The following CLNS1A variants were observed in gnomAD, a reference collection of about 807,000 sequenced individuals.
The protein encoded by CLNS1A is chloride nucleotide-sensitive channel 1A, also known as methylosome subunit pICln.
Under a neutral mutation model 29.4 loss-of-function variants are expected in CLNS1A, and 16 were observed. The ratio of observed to expected loss-of-function variants is 0.54; its 90% CI spans 0.37 to 0.83. CLNS1A has a LOEUF of 0.83. CLNS1A is among the 40% of genes least tolerant of loss of function. The probability of loss-of-function intolerance (pLI) is 0.00; values close to 1 mark genes in which losing one functional copy is unlikely to be tolerated. For missense variants in CLNS1A, 235 were observed against 287.4 expected (o/e 0.82, Z 1.32); for synonymous variants, 96 against 104.8 (o/e 0.92, Z 0.51).
chr11:77,623,296 A>T (rs918177472), intron 4 of CLNS1A, among the ~76,000 whole-genome samples: 9 of 152,032 alleles, frequency 5.9e-5, no homozygotes, highest in African/African-American at 1.9e-4. Context: ...CTCCTTTCTT[A>T]AAAAAAATCA....
chr11:77,637,169 A>T (rs1280014362), intron 1 of CLNS1A, among the ~76,000 whole-genome samples: 2 of 149,912 alleles, frequency 1.3e-5, no homozygotes, highest in African/African-American at 4.9e-5. Flanking sequence ...AAAGACAGGC[A>T]CACTTCAGAC....
rs921339760 is a variant in CLNS1A, at chr11:77,637,647, G to A, written c.68C>T (p.Thr23Ile). Reference protein sequence around the residue: ...AEGLLRQQPDTEAVLNGKGLG... With the variant: ...AEGLLRQQPDIEAVLNGKGLG... ...GCCCTTCCCGTTCAGCACAGCCTCA[G>A]TGTCTGGCTGCTGCCGCAGGAGCCC... The change falls in exon 1 of 7, where the codon ACT (threonine) becomes ATT (isoleucine). Residue 23 changes from threonine to isoleucine, a missense_variant. Thr to Ile is a moderately conservative substitution (Grantham distance 89). Transcript: ENST00000525428. The A allele has an allele frequency of 1.9e-6, 3 of 1,582,932 alleles. No homozygotes were observed. In the African/African-American group the frequency reaches 4.0e-5, roughly 21 times the overall value.
At chr11:77,633,865 C>T (rs1959097356) in intron 1 of CLNS1A, among the ~76,000 whole-genome samples, 1 of 152,086 alleles carries the variant, frequency 6.6e-6, no homozygotes, top group Non-Finnish European at 1.5e-5. Flanking sequence ...TCTTGGGAGG[C>T]CGAGGCAGAT....
chr11:77,625,164 T>C (rs1959003882), intron 3 of CLNS1A, 94 bp from the exon 4 acceptor site: 1 of 819,310 alleles, frequency 1.2e-6, no homozygotes, highest in Non-Finnish European at 2.0e-6. Flanking sequence ...AACGCCACAG[T>C]ATTTACAAAA....
intron 5 of CLNS1A, among the ~76,000 whole-genome samples, chr11:77,621,700 G>A (rs1449706016): frequency 6.6e-6 from 1 of 152,226 alleles, no homozygotes; most frequent in Non-Finnish European, 1.5e-5. Context: ...CTAGGCAATG[G>A]TGTCCAGATA....
At chr11:77,633,869 G>A (rs935833184) in intron 1 of CLNS1A, among the ~76,000 whole-genome samples, 1 of 152,086 alleles carries the variant, frequency 6.6e-6, no homozygotes, top group Non-Finnish European at 1.5e-5. Flanking sequence ...GGGAGGCCGA[G>A]GCAGATGGAT....
At chr11:77,617,232 G>A (rs1369407103) in intron 6 of CLNS1A, among the ~76,000 whole-genome samples, 1 of 152,100 alleles carries the variant, frequency 6.6e-6, no homozygotes, top group East Asian at 1.9e-4. Context: ...GCCAGGCGTG[G>A]TGGCACATGC....
At chr11:77,625,556 G>A in intron 3 of CLNS1A, 161 bp downstream of exon 3, 1 of 590,202 alleles carries the variant, frequency 1.7e-6, no homozygotes, top group Non-Finnish European at 2.9e-6. Context: ...ATAGGTATTT[G>A]GTCCTTAATG....
At chr11:77,622,311 G>T in intron 5 of CLNS1A, 189 bp downstream of exon 5, 1 of 567,746 alleles carries the variant, frequency 1.8e-6, no homozygotes. Context: ...AGACTTTTTT[G>T]GTAATGAGGA....
At chr11:77,637,284 AAAG>A (rs1319115580) in intron 1 of CLNS1A, among the ~76,000 whole-genome samples, 6 of 148,622 alleles carry the variant, frequency 4.0e-5, no homozygotes, top group Admixed American at 6.7e-5. Flanking sequence ...GAAAGAAAGA[AAAG>A]AAGAAGAAAG....
At chr11:77,625,645 G>T (rs2135767689) in intron 3 of CLNS1A, 72 bp downstream of exon 3, 2 of 1,222,982 alleles carry the variant, frequency 1.6e-6, no homozygotes, top group South Asian at 1.4e-5. Context: ...GTGTGTGTGT[G>T]TATGTGTGTG....
intron 2 of CLNS1A, among the ~76,000 whole-genome samples, chr11:77,629,230 G>C (rs957430723): frequency 9.2e-5 from 14 of 152,096 alleles, no homozygotes; most frequent in South Asian, 2.1e-4. Context: ...AATAAATGAA[G>C]AATTCTAAGT....
chr11:77,623,879 G>A (rs1958988675), intron 4 of CLNS1A, among the ~76,000 whole-genome samples: 1 of 152,206 alleles, frequency 6.6e-6, no homozygotes, highest in African/African-American at 2.4e-5. Context: ...TGGTCTGGGG[G>A]AGGCAATCGG....
At chr11:77,622,864 C>T (rs1191191528) in intron 4 of CLNS1A, among the ~76,000 whole-genome samples, 191 bp from the exon 5 acceptor site, 2 of 151,030 alleles carry the variant, frequency 1.3e-5, no homozygotes, top group Non-Finnish European at 2.9e-5. Context: ...AGGAGAATCG[C>T]TTGAACCACA....
chr11:77,629,942 C>T, intron 1 of CLNS1A, 43 bp from the exon 2 acceptor site: 1 of 1,597,692 alleles, frequency 6.3e-7, no homozygotes, highest in Non-Finnish European at 8.6e-7. Flanking sequence ...GAAAGTAAAT[C>T]CTCATGTAAG....
chr11:77,637,652 T>G lies in CLNS1A; in HGVS notation c.63A>C (p.Pro21=), dbSNP rs769624369. 1.9e-6 allele frequency: 3 copies of G among 1,580,694 alleles called. No homozygotes were observed. Among genetic ancestry groups the G allele is most frequent in the South Asian group, 2.3e-5 (2 of 86,324 alleles). Residue 21 remains proline (P), a synonymous_variant, in exon 1 of 7, where the codon CCA becomes CCC. Coordinates refer to ENST00000525428, the MANE Select transcript of CLNS1A (RefSeq NM_001293.3). ...TCCCGTTCAGCACAGCCTCAGTGTC[T>G]GGCTGCTGCCGCAGGAGCCCCTCCG... ...GPAEGLLRQQ[P]DTEAVLNGKG... is the part of the protein sequence containing the mutation.
At position 77,622,648 on chromosome 11, in the gene CLNS1A, T is replaced by C. The variant is rs368408108; in HGVS notation, c.498A>G (p.Thr166=). Residue 166 remains threonine (T), a synonymous_variant, in exon 5 of 7, where the codon ACA becomes ACG. Transcript: ENST00000525428. ...ATAATCCTTCTTCATAGGTGTAAAA[T>C]GTAGGGATGTCCCCCTGTCCTTGTT... ...AHEQGQGDIP[T]FYTYEEGLSH... 17 of 1,607,928 alleles carry C rather than the reference T, an allele frequency of 1.1e-5. No individual in the cohort carries two copies. The highest frequency in any genetic ancestry group is 1.4e-5 in the Non-Finnish European group (16 of 1,178,392).
chr11:77,625,359 T>C, intron 3 of CLNS1A: 1 of 459,966 alleles, frequency 2.2e-6, no homozygotes, highest in Non-Finnish European at 3.8e-6. Context: ...TGCTCTCAGC[T>C]GATAGGGCTC....
rs113252652 is a variant in CLNS1A, at chr11:77,621,507, G to A, written c.646+993C>T. ...AAAAATACAAAAATTAGCTGGGAGCGGTGGCAGGCGCCAGTACCCCAGCTA... is the reference window on the plus strand; with the variant it reads ...AAAAATACAAAAATTAGCTGGGAGCAGTGGCAGGCGCCAGTACCCCAGCTA... On this transcript the variant is annotated intron_variant, in intron 5 of 6. Coordinates refer to ENST00000525428, the MANE Select transcript of CLNS1A (RefSeq NM_001293.3). Among the ~76,000 whole-genome samples the A allele has an allele frequency of 9.0e-3, 1,373 of 152,050 alleles. 20 individuals carry two copies. Among genetic ancestry groups the A allele is most frequent in the African/African-American group, 0.028 (1,179 of 41,484 alleles).
Sources: allele counts gnomAD v4.1 joint callset (sites outside exome capture counted in the v4.1 genomes callset), GRCh38; gene constraint gnomAD v4.1.1; transcripts MANE v1.5; gene names NCBI Gene and HGNC (gene_info 2026-07-23, HGNC 2026-07-21).